The following CCT6B variants were observed in gnomAD, a reference collection of about 807,000 sequenced individuals.
CCT6B encodes probable T-complex protein 1 subunit zeta-2.
In CCT6B, 49 loss-of-function variants were observed where a neutral mutation model predicts 61.5. The ratio of observed to expected loss-of-function variants is 0.80; its 90% CI spans 0.63 to 1.01. The LOEUF (loss-of-function observed/expected upper bound fraction) is 1.01, where lower values mean the gene tolerates loss of function less well. CCT6B is among the 50% of genes least tolerant of loss of function. CCT6B has a pLI of 0.00. For synonymous variants in CCT6B, 228 were observed against 214.5 expected (o/e 1.06, Z -0.55); for missense variants, 666 against 634.7 (o/e 1.05, Z -0.53).
At chr17:34,954,970 C>T (rs867735796) in intron 3 of CCT6B, among the ~76,000 whole-genome samples, 1 of 152,194 alleles carries the variant, frequency 6.6e-6, no homozygotes, top group Non-Finnish European at 1.5e-5. Context: ...TACCACTTCA[C>T]CAAGTGATCA....
chr17:34,942,341 G>A, intron 7 of CCT6B, 143 bp downstream of exon 7: 1 of 612,734 alleles, frequency 1.6e-6, no homozygotes, highest in Non-Finnish European at 2.8e-6. Flanking sequence ...AATGTAAAAG[G>A]TGTAATTATT....
In CCT6B at chr17:34,939,211, A is replaced by T; in HGVS notation, c.1185T>A (p.Leu395=). The part of the protein sequence containing the change: ...TQVKDAIRDG[L]RAIKNAIEDG... ...CTTCAATGGCATTTTTGATAGCACG[A>T]AGTCCATCTCTTATGGCATCCTTGA... The change falls in exon 10 of 14, where the codon CTT becomes CTA. Residue 395 remains leucine, a synonymous_variant. Transcript: ENST00000314144. 1 of 1,613,900 alleles carries T rather than the reference A, an allele frequency of 6.2e-7. No homozygotes were observed. The highest frequency in any genetic ancestry group is 8.5e-7 in the Non-Finnish European group (1 of 1,179,904).
intron 10 of CCT6B, among the ~76,000 whole-genome samples, chr17:34,937,190 A>C (rs928218047): frequency 3.3e-5 from 5 of 152,096 alleles, no homozygotes; most frequent in African/African-American, 1.2e-4. Context: ...TCCCAGCAGC[A>C]GTCTTTTTGG....
At chr17:34,950,511 A>C (rs2090278298) in intron 5 of CCT6B, among the ~76,000 whole-genome samples, 1 of 152,262 alleles carries the variant, frequency 6.6e-6, no homozygotes, top group Non-Finnish European at 1.5e-5. Flanking sequence ...AAGGATATTT[A>C]TGAACACTTT....
chr17:34,955,488 G>A (rs2090337806), intron 3 of CCT6B, among the ~76,000 whole-genome samples: 1 of 152,168 alleles, frequency 6.6e-6, no homozygotes, highest in African/African-American at 2.4e-5. Context: ...GAAGAGAACA[G>A]GGCAAGCAGG....
chr17:34,946,538 T>C (rs370681663), intron 5 of CCT6B, among the ~76,000 whole-genome samples: 3 of 152,114 alleles, frequency 2.0e-5, no homozygotes, highest in African/African-American at 7.2e-5. Context: ...TCCACACATA[T>C]ACACACAGAT....
chr17:34,960,804 T>C (rs922783133), intron 1 of CCT6B, among the ~76,000 whole-genome samples: 8 of 152,210 alleles, frequency 5.3e-5, no homozygotes, highest in African/African-American at 1.9e-4. Flanking sequence ...TGAACAACCA[T>C]AGACACGGGG....
At chr17:34,949,129 AAGCAT>A (rs2090261737) in intron 5 of CCT6B, among the ~76,000 whole-genome samples, 1 of 151,394 alleles carries the variant, frequency 6.6e-6, no homozygotes, top group Non-Finnish European at 1.5e-5. Flanking sequence ...AAAAGGAGAA[AAGCAT>A]AGAAAAGAAA....
chr17:34,939,465 CTT>C (rs2090134825), intron 9 of CCT6B, 135 bp from the exon 10 acceptor site: 2 of 843,682 alleles, frequency 2.4e-6, no homozygotes, highest in South Asian at 3.6e-5. Context: ...TATCTGAACT[CTT>C]AACAAACATT....
intron 10 of CCT6B, among the ~76,000 whole-genome samples, chr17:34,938,528 C>T (rs2090120480): frequency 6.6e-6 from 1 of 152,120 alleles, no homozygotes; most frequent in Non-Finnish European, 1.5e-5. Flanking sequence ...TGCACTCTAG[C>T]CTGGGTGACA....
In CCT6B at chr17:34,939,611, A is replaced by G; in HGVS notation, c.1065+6T>C. ...CTTTATAACCACTGTTCATAGAAAT[A>G]CTCACTAATGTATACTCATACACAA... On this transcript the variant is annotated splice_donor_region_variant and intron_variant, in intron 9 of 13. Coordinates refer to ENST00000314144, the MANE Select transcript of CCT6B (RefSeq NM_006584.4). The G allele has an allele frequency of 1.9e-6, 3 of 1,545,000 alleles. No homozygotes were observed. Among genetic ancestry groups the G allele is most frequent in the Non-Finnish European group, 2.7e-6 (3 of 1,117,286 alleles).
In CCT6B at chr17:34,958,596, TC is replaced by T. The variant is rs1474629690; in HGVS notation, c.299del (p.Gly100GlufsTer4). 1 of 1,590,058 alleles carries T rather than the reference TC, an allele frequency of 6.3e-7. No homozygotes were observed. Among genetic ancestry groups the T allele is most frequent in the Non-Finnish European group, 8.6e-7 (1 of 1,166,638 alleles). On this transcript the variant is annotated frameshift_variant, in exon 3 of 14. Coordinates refer to ENST00000314144, the MANE Select transcript of CCT6B (RefSeq NM_006584.4). LOFTEE classifies it high-confidence loss of function. ...DGTTSNVLII[G>X]ELLKQADLYI... ...ACAGGTCAGCTTGTTTTAATAACTC[TC>T]CAATAATTAGAACATTTGAAGTAGT... is the stretch of plus-strand genomic sequence containing the variant.
intron 4 of CCT6B, 66 bp from the exon 5 acceptor site, chr17:34,952,119 C>A: frequency 1.0e-6 from 1 of 957,556 alleles, no homozygotes. Context: ...AGGGCCCAAA[C>A]AATCTATCAC....
intron 1 of CCT6B, among the ~76,000 whole-genome samples, chr17:34,960,939 C>T (rs1188610737): frequency 6.6e-6 from 1 of 152,202 alleles, no homozygotes; most frequent in African/African-American, 2.4e-5. Flanking sequence ...CAAGGGTATA[C>T]AGTCTTAAGG....
chr17:34,940,170 G>C lies in CCT6B; in HGVS notation c.968+369C>G, dbSNP rs530114124. Among the ~76,000 whole-genome samples the C allele has an allele frequency of 1.2e-4, 18 of 152,022 alleles. No individual in the cohort carries two copies. In the South Asian group the frequency reaches 3.7e-3, roughly 32 times the overall value. ...GTATCCTTTGACCCACATATTCCCA[G>C]TGCCCCTCCCCTCCCACTGCCCCAG... is the stretch of plus-strand genomic sequence containing the variant. On this transcript the variant is annotated intron_variant, in intron 8 of 13. Coordinates refer to ENST00000314144, the MANE Select transcript of CCT6B (RefSeq NM_006584.4).
intron 12 of CCT6B, among the ~76,000 whole-genome samples, chr17:34,929,491 CTTT>C (rs112985335): frequency 9.5e-5 from 12 of 126,742 alleles, no homozygotes; most frequent in Non-Finnish European, 9.8e-5. Context: ...TGTTTTCTTT[CTTT>C]TTTTTTTTTT....
chr17:34,944,763 A>C (rs2090204907), intron 5 of CCT6B, among the ~76,000 whole-genome samples: 1 of 152,182 alleles, frequency 6.6e-6, no homozygotes, highest in African/African-American at 2.4e-5. Flanking sequence ...CATCTCTACT[A>C]AAAATACAAA....
intron 10 of CCT6B, among the ~76,000 whole-genome samples, chr17:34,938,081 G>T (rs2090115071): frequency 6.6e-6 from 1 of 151,828 alleles, no homozygotes; most frequent in African/African-American, 2.4e-5. Flanking sequence ...GTAGAGGCAT[G>T]GTCTTGCTAT....
At chr17:34,945,912 T>A (rs1036507475) in intron 5 of CCT6B, among the ~76,000 whole-genome samples, 1 of 152,204 alleles carries the variant, frequency 6.6e-6, no homozygotes, top group Non-Finnish European at 1.5e-5. Flanking sequence ...TAGGTTCTTT[T>A]ATCTTAAAGT....
Sources: allele counts gnomAD v4.1 joint callset (sites outside exome capture counted in the v4.1 genomes callset), GRCh38; gene constraint gnomAD v4.1.1; transcripts MANE v1.5; gene names NCBI Gene and HGNC (gene_info 2026-07-23, HGNC 2026-07-21).